The following XPA variants were observed in gnomAD, a reference collection of about 807,000 sequenced individuals.
XPA encodes the protein DNA repair protein complementing XP-A cells.
XPA carries 27 observed loss-of-function variants against 35.7 expected under a neutral mutation model. The observed-to-expected ratio is 0.76, with a 90% CI of 0.56 to 1.04. The LOEUF is 1.04. Among genes scored for constraint, XPA ranks in the 50% least tolerant of loss-of-function variants. XPA has a pLI of 0.00. For synonymous variants in XPA, 133 were observed against 118.4 expected (o/e 1.12, Z -0.80); for missense variants, 354 against 342.7 (o/e 1.03, Z -0.26).
At chr9:97,688,095 C>A (rs1314759755) in intron 3 of XPA, among the ~76,000 whole-genome samples, 2 of 152,186 alleles carry the variant, frequency 1.3e-5, no homozygotes, top group Non-Finnish European at 2.9e-5. Context: ...CTAAAACTAT[C>A]ATCTTTGATG....
chr9:97,682,202 T>C (rs1459989077), intron 5 of XPA: 1 of 479,070 alleles, frequency 2.1e-6, no homozygotes, highest in Non-Finnish European at 4.2e-6. Context: ...TCTCTTACCT[T>C]CCCATAAAGA....
At chr9:97,668,689 G>A in the XPA span, among the ~76,000 whole-genome samples, 221 of 151,216 alleles carry the variant, frequency 1.5e-3, 1 homozygote, top group African/African-American at 5.3e-3. Flanking sequence ...ACAGGACTTT[G>A]AGGTATATAT....
chr9:97,666,434 G>A, the XPA span, among the ~76,000 whole-genome samples: 2 of 152,120 alleles, frequency 1.3e-5, no homozygotes, highest in Admixed American at 6.6e-5. Flanking sequence ...GAGGAAAAAT[G>A]TATTTCCATT....
chr9:97,671,779 G>C (rs773927785), downstream of XPA: 3 of 152,164 alleles, frequency 2.0e-5, no homozygotes, highest in Admixed American at 1.3e-4. Context: ...AGTGTTACTA[G>C]TTGGAAGAGT....
chr9:97,674,323 AAATC>A (rs1228559095), downstream of XPA, among the ~76,000 whole-genome samples: 6 of 152,346 alleles, frequency 3.9e-5, no homozygotes, highest in African/African-American at 1.4e-4. Flanking sequence ...GTTTAAAAAA[AAATC>A]AAACTTGAAA....
the XPA span, among the ~76,000 whole-genome samples, chr9:97,658,394 T>C: frequency 1.3e-5 from 2 of 152,208 alleles, no homozygotes; most frequent in Admixed American, 6.5e-5. Flanking sequence ...TCACCCCACA[T>C]ACTTGGCCAC....
At chr9:97,672,618 T>G (rs1828225100), downstream of XPA, 1 of 152,286 alleles carries the variant, frequency 6.6e-6, no homozygotes, top group Admixed American at 6.5e-5. Context: ...TAATTACAGT[T>G]GACCCTTGAA....
At chr9:97,688,976 G>A (rs892803031) in intron 3 of XPA, among the ~76,000 whole-genome samples, 5 of 152,020 alleles carry the variant, frequency 3.3e-5, no homozygotes, top group African/African-American at 1.2e-4. Flanking sequence ...AGTGATAGGA[G>A]AACCACGTGA....
chr9:97,668,095 G>A, the XPA span, among the ~76,000 whole-genome samples: 2 of 152,106 alleles, frequency 1.3e-5, no homozygotes, highest in Non-Finnish European at 2.9e-5. Context: ...TATTAACCTC[G>A]AAGAATTACC....
In XPA at chr9:97,675,285, A is replaced by G. The variant is rs1243588216; in HGVS notation, c.*154T>C. 3 of 915,312 alleles carry G rather than the reference A, an allele frequency of 3.3e-6. No homozygotes were observed. Among genetic ancestry groups the G allele is most frequent in the African/African-American group, 1.7e-5 (1 of 59,736 alleles). 56.7% of individuals were successfully genotyped at this position (915,312 alleles called of 1,614,324 possible). ...CTTCACTGAAACTTGCTTTTAAGCC[A>G]TAACATACATAATTATTACTGAAGT... is the stretch of plus-strand genomic sequence containing the variant. On this transcript the variant is annotated 3_prime_UTR_variant, in exon 6 of 6. Coordinates refer to ENST00000375128, the MANE Select transcript of XPA (RefSeq NM_000380.4).
chr9:97,670,945 T>C, downstream of XPA: 1 of 487,360 alleles, frequency 2.1e-6, no homozygotes. Context: ...TTTTCAGGGG[T>C]CCATTGTTCC....
chr9:97,693,763 CAAAAGT>C lies in XPA; in HGVS notation c.173-10_173-5del, dbSNP rs763748613. On this transcript the variant is annotated splice_region_variant and splice_polypyrimidine_tract_variant and intron_variant, in intron 1 of 5. Transcript: ENST00000375128. Reference sequence around the variant, plus strand: ...GCTGCTTTTACATTAGCCATGCCTACAAAAGTAAGTAAAAGCAGTCAACAATTGAAG... The same window carrying C: ...GCTGCTTTTACATTAGCCATGCCTACAAGTAAAAGCAGTCAACAATTGAAG... 1 of 1,612,002 alleles carries C rather than the reference CAAAAGT, an allele frequency of 6.2e-7. No homozygotes were observed. Among genetic ancestry groups the C allele is most frequent in the South Asian group, 1.1e-5 (1 of 91,072 alleles).
chr9:97,693,599 T>G (rs1255561285), intron 2 of XPA, 50 bp downstream of exon 2: 1 of 1,486,830 alleles, frequency 6.7e-7, no homozygotes, highest in Non-Finnish European at 9.4e-7. Flanking sequence ...ATTATGCATG[T>G]TACTCAAAAT....
intron 5 of XPA, among the ~76,000 whole-genome samples, chr9:97,679,047 T>TA (rs1367250596): frequency 1.3e-5 from 2 of 152,166 alleles, no homozygotes; most frequent in Non-Finnish European, 2.9e-5. Flanking sequence ...AGAAAGGAAT[T>TA]ACTAAAAAGA....
the XPA span, chr9:97,669,627 G>C: frequency 1.2e-6 from 2 of 1,612,622 alleles, no homozygotes; most frequent in Admixed American, 1.7e-5. Flanking sequence ...CACCTAGTAC[G>C]ATGCGAAACT....
the XPA span, chr9:97,666,733 T>TA: frequency 7.1e-7 from 1 of 1,409,304 alleles, no homozygotes; most frequent in Non-Finnish European, 9.8e-7. Context: ...TAGCTTGACA[T>TA]ACAGTAACCA....
At chr9:97,684,604 C>T (rs1008417912) in intron 5 of XPA, among the ~76,000 whole-genome samples, 3 of 152,112 alleles carry the variant, frequency 2.0e-5, no homozygotes, top group African/African-American at 7.2e-5. Context: ...TATAACACAC[C>T]TGTTGATCAT....
intron 3 of XPA, among the ~76,000 whole-genome samples, chr9:97,688,541 T>G (rs1828788176): frequency 6.6e-6 from 1 of 152,240 alleles, no homozygotes; most frequent in Non-Finnish European, 1.5e-5. Context: ...CAAGAGTTGC[T>G]TCCATTTTCT....
At chr9:97,664,216 C>G in the XPA span, 5 of 552,632 alleles carry the variant, frequency 9.0e-6, no homozygotes, top group East Asian at 1.5e-4. Flanking sequence ...TCAATCAATT[C>G]CATAGCCACC....
Sources: gnomAD v4.1 joint callset for allele counts (sites outside exome capture counted in the v4.1 genomes callset) on GRCh38, gnomAD v4.1.1 for gene constraint, MANE v1.5 for transcripts, NCBI Gene and HGNC (gene_info 2026-07-23, HGNC 2026-07-21) for gene names.